Variants in ADAMTSL3 observed in about 807,000 individuals in gnomAD.
ADAMTSL3 encodes ADAMTS-like protein 3.
Under a neutral mutation model 201.7 loss-of-function variants are expected in ADAMTSL3, and 128 were observed. The ratio of observed to expected loss-of-function variants is 0.63; its 90% confidence interval spans 0.55 to 0.73. The LOEUF is 0.73. Ranked by LOEUF, ADAMTSL3 falls within the 30% of genes least tolerant of loss-of-function variation. The pLI is 0.00. For missense variants in ADAMTSL3, 1,990 were observed against 2,119.6 expected (o/e 0.94, Z 1.20); for synonymous variants, 738 against 748.4 (o/e 0.99, Z 0.23).
chr15:83,709,091 T>C (rs2554381), intron 3 of ADAMTSL3, among the ~76,000 whole-genome samples: 30,470 of 152,152 alleles, frequency 0.2, 3,989 homozygotes, highest in Middle Eastern at 0.37. Context: ...GGGATCTTAA[T>C]AGACCCCAGA....
At chr15:83,860,243 G>GGA (rs1345871095) in intron 8 of ADAMTSL3, among the ~76,000 whole-genome samples, 2 of 152,158 alleles carry the variant, frequency 1.3e-5, no homozygotes, top group Non-Finnish European at 2.9e-5. Context: ...GGAGAGTAAA[G>GGA]TAAGATTTGG....
intron 19 of ADAMTSL3, among the ~76,000 whole-genome samples, chr15:83,955,961 T>TGGCTCTAACCCCAGAACACC (rs1172045938): frequency 6.6e-6 from 1 of 152,130 alleles, no homozygotes; most frequent in Non-Finnish European, 1.5e-5. Flanking sequence ...CCCAGTCCAC[T>TGGCTCTAACCCCAGAACACC]GGCTCTAACC....
At chr15:83,710,040 AG>A (rs1409853013) in intron 3 of ADAMTSL3, among the ~76,000 whole-genome samples, 2 of 152,226 alleles carry the variant, frequency 1.3e-5, no homozygotes, top group Non-Finnish European at 2.9e-5. Context: ...AGGCACCAAA[AG>A]GCAGGAAAAA....
rs565111027 is a variant in ADAMTSL3 at position 83,723,238 on chromosome 15, A to G, written c.189+18730A>G. Among the ~76,000 whole-genome samples, 3 of 152,264 alleles carry G rather than the reference A, an allele frequency of 2.0e-5. No individual in the cohort carries two copies. In the East Asian group the frequency reaches 5.8e-4, roughly 29 times the overall value. ...AATCAATAAAATATAAACCCAAGCA[A>G]TGACTAAAAAGCACTCCCCCACCTC... On this transcript the variant is annotated intron_variant, in intron 3 of 29. Transcript: ENST00000286744.
intron 2 of ADAMTSL3, among the ~76,000 whole-genome samples, chr15:83,675,671 C>A (rs1329519881): frequency 1.3e-5 from 2 of 150,564 alleles, no homozygotes; most frequent in Non-Finnish European, 3.0e-5. Flanking sequence ...CTTCTGTTTC[C>A]TGAAGAGATT....
rs920308242 is a variant in ADAMTSL3 at position 84,027,971 on chromosome 15, T to C, written c.4656+2535T>C. Among the ~76,000 whole-genome samples the C allele has an allele frequency of 8.5e-5, 13 of 152,068 alleles. 1 individual carries two copies. Among genetic ancestry groups the C allele is most frequent in the African/African-American group, 2.7e-4 (11 of 41,384 alleles). ...GAGCTAAACCTTGAAAACATTATGG[T>C]AATTGAAGGAAGACAGATGCAAAGG... On this transcript the variant is annotated intron_variant, in intron 27 of 29. Coordinates refer to ENST00000286744, the MANE Select transcript of ADAMTSL3 (RefSeq NM_207517.3).
At chr15:83,901,792 C>T (rs2065729146) in intron 15 of ADAMTSL3, among the ~76,000 whole-genome samples, 1 of 151,972 alleles carries the variant, frequency 6.6e-6, no homozygotes, top group Non-Finnish European at 1.5e-5. Flanking sequence ...ACCTACAATC[C>T]TGTAAGGGAA....
intron 19 of ADAMTSL3, among the ~76,000 whole-genome samples, chr15:83,948,733 G>C (rs2066704273): frequency 6.6e-6 from 1 of 152,142 alleles, no homozygotes; most frequent in Non-Finnish European, 1.5e-5. Context: ...TATTCTTTCT[G>C]TGAATAAAAG....
chr15:83,930,998 A>T (rs1173015066), intron 17 of ADAMTSL3, among the ~76,000 whole-genome samples: 2 of 152,238 alleles, frequency 1.3e-5, no homozygotes, highest in Non-Finnish European at 2.9e-5. Context: ...TATTTGATGT[A>T]TTAGCCTGGG....
intron 2 of ADAMTSL3, among the ~76,000 whole-genome samples, chr15:83,680,735 T>A (rs1353944526): frequency 6.6e-6 from 1 of 152,082 alleles, no homozygotes; most frequent in Non-Finnish European, 1.5e-5. Flanking sequence ...ATGTAATTTC[T>A]GCTCTGTACC....
At chr15:83,866,967 A>T (rs1044354915) in intron 8 of ADAMTSL3, among the ~76,000 whole-genome samples, 1 of 152,184 alleles carries the variant, frequency 6.6e-6, no homozygotes, top group African/African-American at 2.4e-5. Context: ...CAGTAGAAGT[A>T]TTTCTGAAAG....
Position 84,031,534 on chromosome 15 carries a change from C to G in ADAMTSL3, c.4754+102C>G, listed in dbSNP as rs568397433. The stretch of plus-strand genomic sequence containing the variant: ...GAATCCTTTCTAGTTTCTACCAACT[C>G]TCATAATTGACAGTTTTCAATTATG... On this transcript the variant is annotated intron_variant, in intron 28 of 29. Coordinates refer to ENST00000286744, the MANE Select transcript of ADAMTSL3 (RefSeq NM_207517.3). 1.9e-5 allele frequency: 19 copies of G among 1,017,924 alleles called. No individual in the cohort carries two copies. The Admixed American group carries it at 1.9e-4, about 10-fold the overall frequency. The allele number at this position is 1,017,924 out of a possible 1,614,324, so 63.1% of individuals were successfully genotyped here.
At chr15:83,756,105 C>T (rs1347816616) in intron 3 of ADAMTSL3, among the ~76,000 whole-genome samples, 1 of 152,192 alleles carries the variant, frequency 6.6e-6, no homozygotes, top group African/African-American at 2.4e-5. Flanking sequence ...AGTGGAATTG[C>T]TGGATCATAT....
rs1464221091 is a variant in ADAMTSL3 at position 83,913,307 on chromosome 15, C to T, written c.1916C>T (p.Pro639Leu). The T allele has an allele frequency of 5.6e-6, 9 of 1,613,976 alleles. No individual in the cohort carries two copies. Among genetic ancestry groups the T allele is most frequent in the Non-Finnish European group, 6.8e-6 (8 of 1,180,018 alleles). Residue 639 changes from proline to leucine, a missense_variant, in exon 16 of 30, where the codon CCT (proline) becomes CTT (leucine). Pro to Leu is a moderately conservative substitution (Grantham distance 98). Coordinates refer to ENST00000286744, the MANE Select transcript of ADAMTSL3 (RefSeq NM_207517.3). ...PASRELDIPL[P>L]EDSETTYDWE... ...TCCCGAGAGCTAGACATCCCTCTCC[C>T]TGAGGACAGTGAGACGACTTACGAC...
chr15:84,031,281 C>T (rs2068404096), intron 27 of ADAMTSL3, 54 bp from the exon 28 acceptor site: 10 of 1,555,242 alleles, frequency 6.4e-6, no homozygotes, highest in Middle Eastern at 2.1e-4. Flanking sequence ...TCTTAGTACA[C>T]ACAGCATGGA....
At chr15:83,657,309 C>G (rs1304992611) in intron 2 of ADAMTSL3, among the ~76,000 whole-genome samples, 1 of 152,210 alleles carries the variant, frequency 6.6e-6, no homozygotes, top group Non-Finnish European at 1.5e-5. Context: ...GTTTGCCCAG[C>G]TTGAATCACT....
intron 6 of ADAMTSL3, among the ~76,000 whole-genome samples, chr15:83,836,294 A>T (rs115843406): frequency 0.013 from 2,049 of 152,290 alleles, 49 homozygotes; most frequent in African/African-American, 0.046. Context: ...TATTGAACCA[A>T]ATTATGCTTA....
In ADAMTSL3 at chr15:84,037,682, T is replaced by C. The variant is rs761530682; in HGVS notation, c.4970-18T>C. 25 of 1,581,948 alleles carry C rather than the reference T, an allele frequency of 1.6e-5. No homozygotes were observed. Among genetic ancestry groups the C allele is most frequent in the Non-Finnish European group, 2.1e-5 (25 of 1,168,700 alleles). On this transcript the variant is annotated intron_variant, in intron 29 of 29. Transcript: ENST00000286744. Reference sequence around the variant, plus strand: ...TCTAATAAGCTATATGTTACAGATATTTGTTTCTTTTTTGCAGGAGACTGC... The same window carrying C: ...TCTAATAAGCTATATGTTACAGATACTTGTTTCTTTTTTGCAGGAGACTGC...
chr15:83,960,004 C>T (rs2066933947), intron 19 of ADAMTSL3, among the ~76,000 whole-genome samples: 1 of 152,132 alleles, frequency 6.6e-6, no homozygotes, highest in Non-Finnish European at 1.5e-5. Context: ...AAAAGTAACT[C>T]ACATAGTAGT....
Sources: gnomAD v4.1 joint callset for allele counts (sites outside exome capture counted in the v4.1 genomes callset) on GRCh38, gnomAD v4.1.1 for gene constraint, MANE v1.5 for transcripts, NCBI Gene and HGNC (gene_info 2026-07-23, HGNC 2026-07-21) for gene names.